LRRC4C: variants seen among roughly 807,000 people sequenced by gnomAD.
LRRC4C encodes leucine-rich repeat-containing protein 4C.
A neutral mutation model predicts 33.6 loss-of-function variants in LRRC4C; 5 were observed. That is an observed-to-expected ratio of 0.15 (90% confidence interval 0.08 to 0.31). The LOEUF (loss-of-function observed/expected upper bound fraction) is 0.31, where lower values mean the gene tolerates loss of function less well. Ranked by LOEUF, LRRC4C falls within the 10% of genes least tolerant of loss-of-function variation. LRRC4C has a pLI of 1.00. For missense variants in LRRC4C, 560 were observed against 796.7 expected (o/e 0.70, Z 3.58); for synonymous variants, 329 against 302.0 (o/e 1.09, Z -0.93).
intron 2 of LRRC4C, among the ~76,000 whole-genome samples, chr11:40,760,361 G>A (rs1009303318): frequency 5.3e-5 from 8 of 151,020 alleles, no homozygotes; most frequent in African/African-American, 1.5e-4. Context: ...CAGTTGCAAC[G>A]GAGACCATAT....
At chr11:40,508,998 C>T (rs1172478838) in intron 3 of LRRC4C, among the ~76,000 whole-genome samples, 1 of 152,112 alleles carries the variant, frequency 6.6e-6, no homozygotes, top group Non-Finnish European at 1.5e-5. Flanking sequence ...GTTTGTCTCT[C>T]TTGAAGCCAA....
intron 3 of LRRC4C, among the ~76,000 whole-genome samples, chr11:40,515,554 C>G (rs959669036): frequency 3.9e-5 from 6 of 151,974 alleles, no homozygotes; most frequent in African/African-American, 1.4e-4. Context: ...TGATTGATCT[C>G]TGGAATATTA....
chr11:41,155,276 G>A (rs1944177192), intron 1 of LRRC4C, among the ~76,000 whole-genome samples: 1 of 151,994 alleles, frequency 6.6e-6, no homozygotes, highest in Non-Finnish European at 1.5e-5. Context: ...TCTATTTTTT[G>A]TGAACCTAGG....
At chr11:41,176,604 A>G (rs1361407109) in intron 1 of LRRC4C, among the ~76,000 whole-genome samples, 1 of 152,212 alleles carries the variant, frequency 6.6e-6, no homozygotes, top group African/African-American at 2.4e-5. Context: ...TAAATAAATA[A>G]GTAATATTTA....
intron 2 of LRRC4C, among the ~76,000 whole-genome samples, chr11:40,924,094 GTGTGTA>G (rs924802341): frequency 2.2e-5 from 3 of 135,768 alleles, no homozygotes; most frequent in Non-Finnish European, 4.9e-5. Flanking sequence ...ATATGTGTGT[GTGTGTA>G]TGTGTGTGTG....
chr11:40,710,493 C>T (rs4609588), intron 2 of LRRC4C, among the ~76,000 whole-genome samples: 1 of 148,048 alleles, frequency 6.8e-6, no homozygotes, highest in African/African-American at 2.5e-5. Context: ...TCCACTCCAG[C>T]CCCTGTTTGC....
chr11:41,371,383 T>C (rs775022981), intron 1 of LRRC4C, among the ~76,000 whole-genome samples: 6 of 152,244 alleles, frequency 3.9e-5, no homozygotes, highest in Non-Finnish European at 7.3e-5. Context: ...CAGATTCCAA[T>C]GTCCAAACTT....
intron 5 of LRRC4C, among the ~76,000 whole-genome samples, chr11:40,150,812 T>A (rs771611186): frequency 8.5e-5 from 13 of 152,154 alleles, no homozygotes; most frequent in Non-Finnish European, 1.8e-4. Flanking sequence ...AGATCAGTGA[T>A]ACATGAGAGA....
chr11:40,809,438 T>A (rs937022556), intron 2 of LRRC4C, among the ~76,000 whole-genome samples: 1 of 152,176 alleles, frequency 6.6e-6, no homozygotes, highest in East Asian at 1.9e-4. Flanking sequence ...TTGTTCAAAC[T>A]TTTTTCACTG....
intron 4 of LRRC4C, among the ~76,000 whole-genome samples, chr11:40,302,442 A>G (rs1170842113): frequency 2.0e-5 from 3 of 152,094 alleles, no homozygotes; most frequent in Admixed American, 6.6e-5. Flanking sequence ...CATACTGTCA[A>G]TTGTGTTTCT....
At chr11:40,312,899 G>T (rs189065166) in intron 4 of LRRC4C, among the ~76,000 whole-genome samples, 11 of 151,278 alleles carry the variant, frequency 7.3e-5, no homozygotes, top group African/African-American at 2.5e-4. Flanking sequence ...GCAACATCTT[G>T]ATACCTTCAC....
chr11:40,366,995 T>C (rs1053183230), intron 3 of LRRC4C, among the ~76,000 whole-genome samples: 2 of 152,074 alleles, frequency 1.3e-5, no homozygotes, highest in African/African-American at 2.4e-5. Context: ...TTCTGAGACA[T>C]AGAGAAATGC....
At chr11:41,063,654 G>T (rs970763167) in intron 1 of LRRC4C, among the ~76,000 whole-genome samples, 1 of 152,294 alleles carries the variant, frequency 6.6e-6, no homozygotes, top group African/African-American at 2.4e-5. Context: ...AGAGGAAAAT[G>T]GATAGGGAGG....
chr11:40,912,883 C>T, intron 2 of LRRC4C, among the ~76,000 whole-genome samples: 1 of 152,056 alleles, frequency 6.6e-6, no homozygotes, highest in Non-Finnish European at 1.5e-5. Flanking sequence ...CAAAAAAAGG[C>T]AGGGGTTGCA....
At chr11:40,358,271 C>T (rs1295755798) in intron 3 of LRRC4C, among the ~76,000 whole-genome samples, 1 of 151,964 alleles carries the variant, frequency 6.6e-6, no homozygotes, top group African/African-American at 2.4e-5. Flanking sequence ...TAAAGCTTCC[C>T]TCCCCAAACT....
intron 1 of LRRC4C, among the ~76,000 whole-genome samples, chr11:41,450,948 C>T (rs1017246733): frequency 6.6e-6 from 1 of 152,138 alleles, no homozygotes. Flanking sequence ...GGATAACTCT[C>T]TTCTCTGAGT....
intron 1 of LRRC4C, among the ~76,000 whole-genome samples, chr11:41,266,275 T>C (rs1398764940): frequency 6.6e-6 from 1 of 152,100 alleles, no homozygotes; most frequent in Non-Finnish European, 1.5e-5. Flanking sequence ...TGCCTGATAC[T>C]TTACAACTTT....
At chr11:40,379,336 G>T (rs1948775982) in intron 3 of LRRC4C, among the ~76,000 whole-genome samples, 1 of 151,952 alleles carries the variant, frequency 6.6e-6, no homozygotes, top group South Asian at 2.1e-4. Context: ...GCTTCGTCTA[G>T]GCCCAGAAAG....
chr11:40,639,882 T>C (rs1004881401), intron 3 of LRRC4C, among the ~76,000 whole-genome samples: 2 of 152,208 alleles, frequency 1.3e-5, no homozygotes, highest in East Asian at 3.9e-4. Flanking sequence ...AATGTTATGA[T>C]TGTTTCACCT....
Sources: gnomAD v4.1 joint callset for allele counts (sites outside exome capture counted in the v4.1 genomes callset) on GRCh38, gnomAD v4.1.1 for gene constraint, MANE v1.5 for transcripts, NCBI Gene and HGNC (gene_info 2026-07-23, HGNC 2026-07-21) for gene names.